Variants in VWA8 observed in about 807,000 individuals in gnomAD.
VWA8 encodes the protein von Willebrand factor A domain-containing protein 8.
Under a neutral mutation model 241.5 loss-of-function variants are expected in VWA8, and 221 were observed. The ratio of observed to expected loss-of-function variants is 0.91; its 90% CI spans 0.82 to 1.02. VWA8 has a LOEUF of 1.02. Ranked by LOEUF, VWA8 falls within the 50% of genes least tolerant of loss-of-function variation. The probability of loss-of-function intolerance (pLI) is 0.00; values close to 1 mark genes in which losing one functional copy is unlikely to be tolerated. For missense variants in VWA8, 2,322 were observed against 2,328.7 expected (o/e 1.00, Z 0.06); for synonymous variants, 852 against 827.1 (o/e 1.03, Z -0.52).
chr13:41,859,198 G>A (rs759279270), intron 12 of VWA8, among the ~76,000 whole-genome samples: 11 of 151,092 alleles, frequency 7.3e-5, no homozygotes, highest in Non-Finnish European at 1.0e-4. Context: ...AGAAAAGCAC[G>A]AAGTCAAGGC....
chr13:41,585,493 CAGG>C (rs1456891392), intron 42 of VWA8, among the ~76,000 whole-genome samples: 1 of 152,128 alleles, frequency 6.6e-6, no homozygotes, highest in Non-Finnish European at 1.5e-5. Context: ...CTATTTCTAA[CAGG>C]AGATTTTATT....
At chr13:41,821,446 ATG>A (rs1870955408) in intron 14 of VWA8, among the ~76,000 whole-genome samples, 1 of 152,182 alleles carries the variant, frequency 6.6e-6, no homozygotes, top group Non-Finnish European at 1.5e-5. Flanking sequence ...TTTCCTGATG[ATG>A]CTAGCTAGGT....
At chr13:41,853,357 T>C (rs1213491033) in intron 12 of VWA8, among the ~76,000 whole-genome samples, 3 of 152,192 alleles carry the variant, frequency 2.0e-5, no homozygotes, top group African/African-American at 7.2e-5. Flanking sequence ...AGTGTGCTTG[T>C]CTGGCTTTGG....
At chr13:41,601,158 A>C (rs61963024) in intron 40 of VWA8, among the ~76,000 whole-genome samples, 17,959 of 152,028 alleles carry the variant, frequency 0.12, 1,408 homozygotes, top group South Asian at 0.24. Flanking sequence ...ATGTACCCTT[A>C]CCTTCAAAAT....
At chr13:41,776,207 C>G (rs1448000435) in intron 20 of VWA8, among the ~76,000 whole-genome samples, 3 of 152,294 alleles carry the variant, frequency 2.0e-5, no homozygotes, top group African/African-American at 7.2e-5. Context: ...ATGCCAAAAG[C>G]CTCTGTGTCT....
chr13:41,663,599 G>A (rs1038978686), intron 37 of VWA8, among the ~76,000 whole-genome samples: 1 of 151,786 alleles, frequency 6.6e-6, no homozygotes, highest in Admixed American at 6.6e-5. Context: ...TTCAATTTCA[G>A]ACATTGTCTA....
intron 2 of VWA8, among the ~76,000 whole-genome samples, chr13:41,944,132 TAATA>T (rs1555246630): frequency 2.7e-5 from 4 of 149,416 alleles, no homozygotes; most frequent in Admixed American, 2.7e-4. Flanking sequence ...ATAATAATAA[TAATA>T]AATAAATAAA....
intron 2 of VWA8, among the ~76,000 whole-genome samples, chr13:41,923,205 T>G (rs572615868): frequency 6.6e-6 from 1 of 152,244 alleles, no homozygotes; most frequent in Admixed American, 6.5e-5. Flanking sequence ...AAACACCGCA[T>G]GTTCTCACTC....
intron 19 of VWA8, among the ~76,000 whole-genome samples, chr13:41,778,383 T>C (rs1868715140): frequency 6.6e-6 from 1 of 152,170 alleles, no homozygotes; most frequent in Admixed American, 6.5e-5. Context: ...AATTGATACT[T>C]GCTAATGTAA....
intron 42 of VWA8, among the ~76,000 whole-genome samples, chr13:41,582,394 A>T (rs2044388633): frequency 1.3e-5 from 2 of 152,188 alleles, no homozygotes; most frequent in Admixed American, 1.3e-4. Flanking sequence ...GAGAGTCCAG[A>T]GCACAGACCA....
At chr13:41,741,098 T>C (rs2045566259) in intron 21 of VWA8, among the ~76,000 whole-genome samples, 1 of 152,194 alleles carries the variant, frequency 6.6e-6, no homozygotes, top group Non-Finnish European at 1.5e-5. Flanking sequence ...CTTAACACTA[T>C]GTAAAATACT....
chr13:41,590,854 C>A, intron 40 of VWA8, 89 bp from the exon 41 acceptor site: 1 of 1,527,114 alleles, frequency 6.5e-7, no homozygotes. Flanking sequence ...GGAAACACAC[C>A]TGGGATCTTT....
At chr13:41,758,379 T>TTCC (rs2045710321) in intron 21 of VWA8, among the ~76,000 whole-genome samples, 1 of 19,624 alleles carries the variant, frequency 5.1e-5, no homozygotes, top group Admixed American at 9.9e-4. Flanking sequence ...CATATATATA[T>TTCC]ATATATATAT....
chr13:41,946,309 C>A (rs753660831), intron 2 of VWA8, among the ~76,000 whole-genome samples: 10 of 151,796 alleles, frequency 6.6e-5, no homozygotes, highest in Non-Finnish European at 1.3e-4. Flanking sequence ...TGAAAGCACA[C>A]TAGACAGTAA....
intron 28 of VWA8, among the ~76,000 whole-genome samples, chr13:41,700,837 C>G (rs779898198): frequency 1.3e-5 from 2 of 152,190 alleles, no homozygotes; most frequent in Admixed American, 6.5e-5. Context: ...TCTCCCTTCC[C>G]CCAGCCACCA....
rs56020976 is a variant in VWA8, at chr13:41,754,324, C to G, written c.2426+6804G>C. ...AGTTTCCCTGCACAAGCTCTCTTCTCTTGTCTGCCACCATGTGAGACATGC... is the reference window on the plus strand; with the variant it reads ...AGTTTCCCTGCACAAGCTCTCTTCTGTTGTCTGCCACCATGTGAGACATGC... On this transcript the variant is annotated intron_variant, in intron 21 of 44. Coordinates refer to ENST00000379310, the MANE Select transcript of VWA8 (RefSeq NM_015058.2). 4.7e-3 allele frequency among the ~76,000 whole-genome samples: 718 copies of G among 152,226 alleles called. 5 individuals are homozygous for G. The highest frequency in any genetic ancestry group is 8.6e-3 in the Non-Finnish European group (584 of 67,994).
intron 35 of VWA8, among the ~76,000 whole-genome samples, chr13:41,681,772 G>A (rs1487125451): frequency 1.3e-5 from 2 of 152,150 alleles, no homozygotes; most frequent in East Asian, 3.9e-4. Flanking sequence ...TTATGAGAGA[G>A]TATGACAAGG....
chr13:41,827,578 T>C (rs1478466286), intron 14 of VWA8, among the ~76,000 whole-genome samples: 1 of 152,186 alleles, frequency 6.6e-6, no homozygotes. Flanking sequence ...TCTAGTTTCG[T>C]GCATGTTTAA....
intron 12 of VWA8, among the ~76,000 whole-genome samples, chr13:41,849,809 C>T (rs1872451944): frequency 6.6e-6 from 1 of 151,994 alleles, no homozygotes; most frequent in Non-Finnish European, 1.5e-5. Context: ...ATCACTTGAA[C>T]CTGGGTGGCA....
Sources: allele counts gnomAD v4.1 joint callset (sites outside exome capture counted in the v4.1 genomes callset), GRCh38; gene constraint gnomAD v4.1.1; transcripts MANE v1.5; gene names NCBI Gene and HGNC (gene_info 2026-07-23, HGNC 2026-07-21).